Variants in MAD1L1 observed in about 807,000 individuals in gnomAD.
MAD1L1 encodes the protein mitotic spindle assembly checkpoint protein MAD1.
A neutral mutation model predicts 96.9 loss-of-function variants in MAD1L1; 95 were observed. The observed-to-expected ratio is 0.98, with a 90% confidence interval of 0.83 to 1.16. MAD1L1 has a LOEUF of 1.16. MAD1L1 is among the 50% of genes most tolerant of loss of function. The pLI is 0.00. For missense variants in MAD1L1, 1,007 were observed against 954.4 expected, an observed-to-expected ratio of 1.06 and a Z score of -0.73; for synonymous variants, 473 against 396.6, an observed-to-expected ratio of 1.19 and a Z score of -2.29.
intron 10 of MAD1L1, among the ~76,000 whole-genome samples, chr7:2,180,801 T>C (rs1372748861): frequency 6.6e-6 from 1 of 152,242 alleles, no homozygotes; most frequent in East Asian, 1.9e-4. Context: ...AAATGTGTAT[T>C]CTTTCAGTTT....
chr7:2,087,818 G>T (rs1785999482), intron 11 of MAD1L1, among the ~76,000 whole-genome samples: 1 of 152,220 alleles, frequency 6.6e-6, no homozygotes, highest in Admixed American at 6.5e-5. Flanking sequence ...GAGAGATCCT[G>T]CCTGTCCACA....
Position 2,149,608 on chromosome 7 carries a change from T to TC in MAD1L1, c.987-371dup, listed in dbSNP as rs1393551721. 2.0e-5 allele frequency among the ~76,000 whole-genome samples: 3 copies of TC among 152,300 alleles called. No homozygotes were observed. In the East Asian group the frequency reaches 5.8e-4, roughly 29 times the overall value. ...AGTTTTAAGTTCCTTTCCTCACCTC[T>TC]CCTTCAGAAGACCCACATATAACAA... On this transcript the variant is annotated intron_variant, in intron 10 of 18. Transcript: ENST00000265854.
At chr7:2,195,396 G>T (rs1475082525) in intron 10 of MAD1L1, among the ~76,000 whole-genome samples, 2 of 152,186 alleles carry the variant, frequency 1.3e-5, no homozygotes, top group African/African-American at 4.8e-5. Flanking sequence ...AGACCTAATT[G>T]CAGTAAACGC....
chr7:1,893,791 C>T (rs1786700558), intron 18 of MAD1L1, among the ~76,000 whole-genome samples: 1 of 152,176 alleles, frequency 6.6e-6, no homozygotes, highest in African/African-American at 2.4e-5. Flanking sequence ...GCCAAGGCTG[C>T]ACACCAGGGT....
At chr7:1,909,263 A>C (rs1017367811) in intron 17 of MAD1L1, among the ~76,000 whole-genome samples, 7 of 152,060 alleles carry the variant, frequency 4.6e-5, no homozygotes, top group Non-Finnish European at 8.8e-5. Context: ...GAGCCGCCCG[A>C]GTGTCCCTGC....
intron 18 of MAD1L1, among the ~76,000 whole-genome samples, chr7:1,871,747 C>A (rs1583614916): frequency 1.3e-5 from 2 of 152,200 alleles, no homozygotes; most frequent in African/African-American, 4.8e-5. Context: ...CCAACATACG[C>A]CTGCCACGCT....
At chr7:2,155,462 G>A (rs1012333422) in intron 10 of MAD1L1, among the ~76,000 whole-genome samples, 1 of 152,098 alleles carries the variant, frequency 6.6e-6, no homozygotes. Flanking sequence ...CATTAAAGAG[G>A]AACTCCCACA....
At chr7:1,817,061 T>G (rs1188698503) in intron 18 of MAD1L1, 2 of 152,306 alleles carry the variant, frequency 1.3e-5, no homozygotes, top group African/African-American at 4.8e-5. Context: ...CCCTTGAACA[T>G]TTCTCCAGAG....
intron 1 of MAD1L1, among the ~76,000 whole-genome samples, chr7:2,231,279 C>G (rs1347437232): frequency 1.3e-5 from 2 of 151,864 alleles, no homozygotes; most frequent in African/African-American, 4.8e-5. Context: ...GCCTGGGTAA[C>G]GGGGTGAGAC....
intron 17 of MAD1L1, among the ~76,000 whole-genome samples, chr7:1,899,379 G>T (rs762375922): frequency 2.0e-5 from 3 of 152,182 alleles, no homozygotes; most frequent in African/African-American, 7.2e-5. Flanking sequence ...AGGGGCCTGG[G>T]ACTGCTCCAG....
At chr7:2,102,274 TCACCACCAC>T (rs1211663482) in intron 11 of MAD1L1, among the ~76,000 whole-genome samples, 4 of 124,470 alleles carry the variant, frequency 3.2e-5, no homozygotes, top group African/African-American at 1.2e-4. Flanking sequence ...ACCATCACTA[TCACCACCAC>T]CACCGCCACT....
At chr7:2,150,887 G>A (rs879514147) in intron 10 of MAD1L1, among the ~76,000 whole-genome samples, 13 of 152,222 alleles carry the variant, frequency 8.5e-5, no homozygotes, top group Admixed American at 7.2e-4. Context: ...TGGGGACAGC[G>A]ATGGGTGCAG....
chr7:1,821,917 G>A (rs1583470685), intron 18 of MAD1L1, among the ~76,000 whole-genome samples: 1 of 152,112 alleles, frequency 6.6e-6, no homozygotes. Flanking sequence ...AGCTCCTCAC[G>A]CCAGGGCATG....
chr7:2,200,881 A>T (rs913375163), intron 10 of MAD1L1, among the ~76,000 whole-genome samples: 10 of 152,038 alleles, frequency 6.6e-5, no homozygotes, highest in Non-Finnish European at 1.5e-4. Context: ...AGAAGCGTGC[A>T]GGAGCTGGGA....
At chr7:2,155,094 G>A (rs1789761478) in intron 10 of MAD1L1, among the ~76,000 whole-genome samples, 1 of 152,166 alleles carries the variant, frequency 6.6e-6, no homozygotes, top group Admixed American at 6.5e-5. Context: ...CCTCCGGCTT[G>A]GGGCTTCTGT....
At chr7:2,108,964 A>C (rs1407914184) in intron 11 of MAD1L1, among the ~76,000 whole-genome samples, 1 of 152,258 alleles carries the variant, frequency 6.6e-6, no homozygotes, top group Non-Finnish European at 1.5e-5. Flanking sequence ...AGCACGGGAC[A>C]GACCAAACAG....
intron 18 of MAD1L1, among the ~76,000 whole-genome samples, chr7:1,858,663 T>C (rs991760914): frequency 6.6e-6 from 1 of 152,076 alleles, no homozygotes; most frequent in Non-Finnish European, 1.5e-5. Context: ...CAGACTGGGA[T>C]AGTGAGAACA....
At chr7:1,997,007 TAGG>T (rs1006730974) in intron 14 of MAD1L1, among the ~76,000 whole-genome samples, 20 of 152,216 alleles carry the variant, frequency 1.3e-4, no homozygotes, top group African/African-American at 4.6e-4. Flanking sequence ...CCTAGCTAAT[TAGG>T]GGGGTTCGCT....
chr7:2,135,030 T>A (rs1053522756), intron 11 of MAD1L1, among the ~76,000 whole-genome samples: 1 of 152,256 alleles, frequency 6.6e-6, no homozygotes, highest in African/African-American at 2.4e-5. Context: ...TCATTAATGA[T>A]GTTCATGTTC....
Sources: allele counts gnomAD v4.1 joint callset (sites outside exome capture counted in the v4.1 genomes callset), GRCh38; gene constraint gnomAD v4.1.1; transcripts MANE v1.5; gene names NCBI Gene and HGNC (gene_info 2026-07-23, HGNC 2026-07-21).